KAT6B: variants seen among roughly 807,000 people sequenced by gnomAD.
The protein encoded by KAT6B is histone acetyltransferase KAT6B.
KAT6B carries 10 observed loss-of-function variants against 187.5 expected under a neutral mutation model. The ratio of observed to expected loss-of-function variants is 0.05; its 90% CI spans 0.03 to 0.09. The LOEUF is 0.09. KAT6B is among the 10% of genes least tolerant of loss of function. The pLI is 1.00. For synonymous variants in KAT6B, 861 were observed against 926.8 expected (o/e 0.93, Z 1.29); for missense variants, 1,952 against 2,558.9 (o/e 0.76, Z 5.12).
In KAT6B at chr10:74,832,731, C is replaced by T. The variant is rs567637619; in HGVS notation, c.-329+5946C>T. Among the ~76,000 whole-genome samples the T allele has an allele frequency of 1.1e-3, 170 of 152,070 alleles. 2 individuals carry two copies. Among genetic ancestry groups the T allele is most frequent in the Admixed American group, 0.011 (168 of 15,282 alleles). ...GCCGGGCTGGTCTCAAACTCCTGAC[C>T]TCAGGTGATCCACCTGCCTTGGCCT... On this transcript the variant is annotated intron_variant, in intron 1 of 17. Transcript: ENST00000287239.
chr10:75,009,828 C>T (rs1844472062), intron 13 of KAT6B, among the ~76,000 whole-genome samples: 1 of 152,022 alleles, frequency 6.6e-6, no homozygotes, highest in South Asian at 2.1e-4. Flanking sequence ...ATGAAGCAAC[C>T]CGATCTCTAC....
chr10:74,981,233 G>C (rs1842484193), intron 10 of KAT6B, among the ~76,000 whole-genome samples: 1 of 152,094 alleles, frequency 6.6e-6, no homozygotes, highest in African/African-American at 2.4e-5. Context: ...ACATATTATG[G>C]ATTATATTAA....
At position 74,866,941 on chromosome 10, in the gene KAT6B, G is replaced by A. The variant is rs559974621; in HGVS notation, c.621+23463G>A. ...CACTAGTGATAGAATCCCACACTTG[G>A]GGAAATACTGTATCAGGTGATTTCA... On this transcript the variant is annotated intron_variant, in intron 3 of 17. Coordinates refer to ENST00000287239, the MANE Select transcript of KAT6B (RefSeq NM_012330.4). 2.0e-5 allele frequency among the ~76,000 whole-genome samples: 3 copies of A among 152,240 alleles called. No homozygotes were observed. In the East Asian group the frequency reaches 5.8e-4, roughly 29 times the overall value.
intron 13 of KAT6B, among the ~76,000 whole-genome samples, chr10:75,014,492 G>A (rs1844842748): frequency 1.3e-5 from 2 of 151,974 alleles, no homozygotes; most frequent in South Asian, 4.2e-4. Flanking sequence ...GTTACATAAT[G>A]GGTTTATCGT....
intron 3 of KAT6B, among the ~76,000 whole-genome samples, chr10:74,880,676 C>T (rs535357129): frequency 2.0e-5 from 3 of 152,192 alleles, no homozygotes; most frequent in East Asian, 1.9e-4. Flanking sequence ...AGTGCAGTGG[C>T]GCAATCTCGG....
At chr10:74,939,049 TAAC>T (rs1849466787) in intron 3 of KAT6B, among the ~76,000 whole-genome samples, 1 of 130,364 alleles carries the variant, frequency 7.7e-6, no homozygotes, top group Middle Eastern at 3.9e-3. Context: ...TTTATTTTCT[TAAC>T]ACACACACAC....
At chr10:74,991,620 G>A (rs1251468025) in intron 13 of KAT6B, among the ~76,000 whole-genome samples, 1 of 152,112 alleles carries the variant, frequency 6.6e-6, no homozygotes, top group African/African-American at 2.4e-5. Context: ...TAGTGCTGAG[G>A]GTGTGGTTTT....
At chr10:74,977,006 T>G (rs576991927) in intron 8 of KAT6B, 83 of 327,032 alleles carry the variant, frequency 2.5e-4, no homozygotes, top group African/African-American at 1.7e-3. Flanking sequence ...ATGCTATAAC[T>G]AGACATCGAT....
chr10:75,018,845 G>C (rs1178654589), intron 13 of KAT6B, among the ~76,000 whole-genome samples: 1 of 152,104 alleles, frequency 6.6e-6, no homozygotes, highest in Non-Finnish European at 1.5e-5. Flanking sequence ...GGACAAAAGG[G>C]AATGGTTCTA....
intron 13 of KAT6B, among the ~76,000 whole-genome samples, chr10:75,010,980 G>T (rs570464325): frequency 6.6e-6 from 1 of 152,292 alleles, no homozygotes; most frequent in African/African-American, 2.4e-5. Flanking sequence ...ATATGTGTTC[G>T]ATTAAGTTTG....
chr10:75,013,594 T>C (rs1001063934), intron 13 of KAT6B, among the ~76,000 whole-genome samples: 6 of 152,220 alleles, frequency 3.9e-5, no homozygotes, highest in Non-Finnish European at 8.8e-5. Context: ...TTCCCCTACC[T>C]TAAGGATGTT....
intron 13 of KAT6B, among the ~76,000 whole-genome samples, chr10:75,017,528 C>T (rs1444097770): frequency 6.6e-6 from 1 of 152,114 alleles, no homozygotes; most frequent in Non-Finnish European, 1.5e-5. Context: ...GAAGGAGAAT[C>T]GCTTGAGCCT....
chr10:74,866,087 G>C (rs566276217), intron 3 of KAT6B, among the ~76,000 whole-genome samples: 1 of 152,182 alleles, frequency 6.6e-6, no homozygotes, highest in South Asian at 2.1e-4. Context: ...GTTATAGTCT[G>C]AGGTCTTGGA....
chr10:74,878,619 CAA>C (rs11365400), intron 3 of KAT6B, among the ~76,000 whole-genome samples: 2,367 of 71,930 alleles, frequency 0.033, 27 homozygotes, highest in Middle Eastern at 0.085. Context: ...GACTCCATCT[CAA>C]AAAAAAAAAA....
At chr10:74,837,200 A>G (rs771904862) in intron 1 of KAT6B, among the ~76,000 whole-genome samples, 3 of 152,216 alleles carry the variant, frequency 2.0e-5, no homozygotes, top group Non-Finnish European at 2.9e-5. Context: ...GTGCTGGACT[A>G]AGCATTTCTC....
At chr10:75,003,430 C>T (rs1011908678) in intron 13 of KAT6B, among the ~76,000 whole-genome samples, 6 of 152,150 alleles carry the variant, frequency 3.9e-5, no homozygotes, top group African/African-American at 1.2e-4. Flanking sequence ...ATAAGTTATG[C>T]TTTTGAAATG....
At chr10:74,854,510 A>G (rs906734270) in intron 3 of KAT6B, among the ~76,000 whole-genome samples, 1 of 152,104 alleles carries the variant, frequency 6.6e-6, no homozygotes, top group Non-Finnish European at 1.5e-5. Context: ...ATAAATCTGC[A>G]AAATGAGCAA....
At chr10:74,989,919 G>A (rs897849917) in intron 13 of KAT6B, among the ~76,000 whole-genome samples, 4 of 152,000 alleles carry the variant, frequency 2.6e-5, no homozygotes, top group East Asian at 1.9e-4. Flanking sequence ...GTCACTGGCC[G>A]GGCGTGGTGG....
At chr10:74,958,329 T>C (rs1436896152) in intron 3 of KAT6B, among the ~76,000 whole-genome samples, 1 of 152,264 alleles carries the variant, frequency 6.6e-6, no homozygotes, top group Non-Finnish European at 1.5e-5. Flanking sequence ...AAATGAAGTT[T>C]ATTCTATGCT....
Sources: gnomAD v4.1 joint callset for allele counts (sites outside exome capture counted in the v4.1 genomes callset) on GRCh38, gnomAD v4.1.1 for gene constraint, MANE v1.5 for transcripts, NCBI Gene and HGNC (gene_info 2026-07-23, HGNC 2026-07-21) for gene names.